MED12L: variants seen among roughly 807,000 people sequenced by gnomAD.
MED12L encodes the protein mediator of RNA polymerase II transcription subunit 12-like protein.
Under a neutral mutation model 281.3 loss-of-function variants are expected in MED12L, and 60 were observed. The observed-to-expected ratio is 0.21, with a 90% CI of 0.17 to 0.26. The LOEUF is 0.26. MED12L is among the 10% of genes least tolerant of loss of function. The pLI is 1.00. For missense variants in MED12L, 2,146 were observed against 2,680.9 expected, an observed-to-expected ratio of 0.80 and a Z score of 4.41; for synonymous variants, 974 against 987.2, an observed-to-expected ratio of 0.99 and a Z score of 0.25.
At position 151,156,346 on chromosome 3, in the gene MED12L, C is replaced by G; in HGVS notation, c.726+16C>G. 1 of 1,588,464 alleles carries G rather than the reference C, an allele frequency of 6.3e-7. No individual in the cohort carries two copies. Among genetic ancestry groups the G allele is most frequent in the Non-Finnish European group, 8.6e-7 (1 of 1,167,608 alleles). ...CATGTTCCAGGTAACCTTTTGAAGA[C>G]ATGCAGAGTTGTGTGCAATGCTTTT... On this transcript the variant is annotated intron_variant, in intron 6 of 44. Coordinates refer to ENST00000687756, the MANE Select transcript of MED12L (RefSeq NM_001393769.1).
chr3:151,127,800 A>G, intron 4 of MED12L, 25 bp from the exon 5 acceptor site: 1 of 1,511,296 alleles, frequency 6.6e-7, no homozygotes. Flanking sequence ...GATTATTATA[A>G]ATATACTATG....
intron 16 of MED12L, among the ~76,000 whole-genome samples, chr3:151,290,735 A>T (rs1744149424): frequency 6.6e-6 from 1 of 152,066 alleles, no homozygotes; most frequent in Admixed American, 6.6e-5. Flanking sequence ...TGCAGGATAC[A>T]CATTTGTATA....
At chr3:151,087,604 C>T (rs966807392) in intron 2 of MED12L, among the ~76,000 whole-genome samples, 5 of 152,318 alleles carry the variant, frequency 3.3e-5, no homozygotes, top group Middle Eastern at 3.4e-3. Context: ...TGATTTTCGT[C>T]TCTAGAGGCA....
chr3:151,161,435 C>T (rs1209170260), intron 8 of MED12L, among the ~76,000 whole-genome samples: 1 of 152,004 alleles, frequency 6.6e-6, no homozygotes, highest in Admixed American at 6.6e-5. Flanking sequence ...AGAGAGAATC[C>T]GTGAACCTGA....
chr3:151,357,503 C>A, intron 20 of MED12L, 127 bp downstream of exon 20: 3 of 777,828 alleles, frequency 3.9e-6, no homozygotes, highest in Non-Finnish European at 5.8e-6. Context: ...GGTTAAAGAA[C>A]ACTCTTGCCA....
intron 16 of MED12L, among the ~76,000 whole-genome samples, chr3:151,318,990 C>A (rs965135326): frequency 6.6e-6 from 1 of 152,096 alleles, no homozygotes; most frequent in African/African-American, 2.4e-5. Flanking sequence ...GGGACGGTAG[C>A]CTAACAGCTG....
intron 11 of MED12L, 76 bp downstream of exon 11, chr3:151,166,058 CT>C: frequency 4.0e-6 from 5 of 1,265,464 alleles, no homozygotes; most frequent in Non-Finnish European, 5.5e-6. Flanking sequence ...TCAGGAAACT[CT>C]GGCGAAACCT....
chr3:151,092,039 A>G (rs1356820217), intron 2 of MED12L, among the ~76,000 whole-genome samples: 1 of 152,204 alleles, frequency 6.6e-6, no homozygotes, highest in Admixed American at 6.5e-5. Flanking sequence ...GTACTTAACC[A>G]TAACAGCCAC....
At chr3:151,273,335 A>G (rs930641831) in intron 16 of MED12L, among the ~76,000 whole-genome samples, 1 of 149,762 alleles carries the variant, frequency 6.7e-6, no homozygotes, top group Non-Finnish European at 1.5e-5. Flanking sequence ...GGTTCAAGCA[A>G]TTCTGCCTCA....
intron 16 of MED12L, chr3:151,338,927 G>A: frequency 6.9e-7 from 1 of 1,444,230 alleles, no homozygotes; most frequent in Non-Finnish European, 9.6e-7. Flanking sequence ...ATCTCTGTGT[G>A]TAACTTTTTT....
At chr3:151,367,320 A>C (rs1293591056) in intron 23 of MED12L, among the ~76,000 whole-genome samples, 1 of 152,132 alleles carries the variant, frequency 6.6e-6, no homozygotes, top group Admixed American at 6.5e-5. Context: ...ATCTTGTTGC[A>C]GTCTGCCAAA....
At chr3:151,413,079 A>G in intron 41 of MED12L, 60 bp from the exon 42 acceptor site, 1 of 1,562,560 alleles carries the variant, frequency 6.4e-7, no homozygotes, top group Non-Finnish European at 8.7e-7. Flanking sequence ...TGCTGGTAGC[A>G]CTGATTAAAA....
At chr3:151,280,936 T>C (rs1001015209) in intron 16 of MED12L, among the ~76,000 whole-genome samples, 1 of 152,056 alleles carries the variant, frequency 6.6e-6, no homozygotes, top group Non-Finnish European at 1.5e-5. Flanking sequence ...GACTGGACTT[T>C]GAAGTAGTCT....
At chr3:151,271,393 G>A (rs77924614) in intron 16 of MED12L, among the ~76,000 whole-genome samples, 1 of 152,170 alleles carries the variant, frequency 6.6e-6, no homozygotes, top group African/African-American at 2.4e-5. Context: ...TGATACTTTG[G>A]TATATTTTTG....
intron 16 of MED12L, among the ~76,000 whole-genome samples, chr3:151,225,202 AC>A (rs1236902769): frequency 2.6e-5 from 4 of 152,108 alleles, no homozygotes; most frequent in African/African-American, 7.2e-5. Context: ...CCTCGACTTC[AC>A]AGAAGTTGCT....
At chr3:151,304,732 A>G (rs1365109292) in intron 16 of MED12L, among the ~76,000 whole-genome samples, 2 of 152,112 alleles carry the variant, frequency 1.3e-5, no homozygotes, top group Non-Finnish European at 2.9e-5. Flanking sequence ...CTAACCCTCC[A>G]TTTCTGCCTG....
intron 16 of MED12L, among the ~76,000 whole-genome samples, chr3:151,287,949 G>A (rs999738791): frequency 2.0e-5 from 3 of 152,072 alleles, no homozygotes; most frequent in South Asian, 2.1e-4. Flanking sequence ...TAATAGAAGC[G>A]GCCCAGAAAA....
chr3:151,151,608 A>C (rs1009218162), intron 5 of MED12L, among the ~76,000 whole-genome samples: 1 of 148,992 alleles, frequency 6.7e-6, no homozygotes, highest in South Asian at 2.2e-4. Flanking sequence ...GGGAAGAGAG[A>C]TATGGGACAG....
intron 16 of MED12L, among the ~76,000 whole-genome samples, chr3:151,268,909 C>T (rs2149536957): frequency 6.6e-6 from 1 of 152,014 alleles, no homozygotes; most frequent in South Asian, 2.1e-4. Context: ...TTTTTAGCCA[C>T]AAAACAAAAA....
Sources: gnomAD v4.1 joint callset for allele counts (sites outside exome capture counted in the v4.1 genomes callset) on GRCh38, gnomAD v4.1.1 for gene constraint, MANE v1.5 for transcripts, NCBI Gene and HGNC (gene_info 2026-07-23, HGNC 2026-07-21) for gene names.